The following KCNT2 variants were observed in gnomAD, a reference collection of about 807,000 sequenced individuals.
KCNT2 encodes the protein potassium channel subfamily T member 2.
KCNT2 carries 67 observed loss-of-function variants against 153.8 expected under a neutral mutation model. The ratio of observed to expected loss-of-function variants is 0.44; its 90% CI spans 0.36 to 0.53. The LOEUF (loss-of-function observed/expected upper bound fraction) is 0.53. Among genes scored for constraint, KCNT2 ranks in the 20% least tolerant of loss-of-function variants. KCNT2 has a pLI of 0.00. For missense variants in KCNT2, 975 were observed against 1,354.8 expected, an observed-to-expected ratio of 0.72 and a Z score of 4.40; for synonymous variants, 500 against 458.8, an observed-to-expected ratio of 1.09 and a Z score of -1.15.
At chr1:196,406,087 T>C (rs1671807040) in intron 12 of KCNT2, among the ~76,000 whole-genome samples, 1 of 151,504 alleles carries the variant, frequency 6.6e-6, no homozygotes, top group African/African-American at 2.4e-5. Context: ...CAAAAGCACC[T>C]TGAGGTCAGG....
At chr1:196,512,104 A>T (rs576987225) in intron 1 of KCNT2, among the ~76,000 whole-genome samples, 2 of 152,250 alleles carry the variant, frequency 1.3e-5, no homozygotes, top group East Asian at 3.9e-4. Flanking sequence ...CATCGTACTT[A>T]TTCTATCAGC....
chr1:196,525,124 C>A (rs1345069668), intron 1 of KCNT2, among the ~76,000 whole-genome samples: 3 of 151,934 alleles, frequency 2.0e-5, no homozygotes, highest in African/African-American at 7.3e-5. Context: ...AAAAAAGTAG[C>A]TATTCAGTGG....
intron 5 of KCNT2, among the ~76,000 whole-genome samples, chr1:196,471,111 G>T (rs936366466): frequency 6.6e-6 from 1 of 151,284 alleles, no homozygotes; most frequent in Non-Finnish European, 1.5e-5. Context: ...GTTTCACCGT[G>T]TTAGCCAGGA....
At chr1:196,403,274 C>T (rs1231958502) in intron 12 of KCNT2, among the ~76,000 whole-genome samples, 1 of 151,542 alleles carries the variant, frequency 6.6e-6, no homozygotes, top group Non-Finnish European at 1.5e-5. Context: ...TGCAAAACCT[C>T]AAATGCATAT....
At chr1:196,440,699 C>CT (rs1675147316) in intron 8 of KCNT2, among the ~76,000 whole-genome samples, 1 of 151,698 alleles carries the variant, frequency 6.6e-6, no homozygotes, top group Admixed American at 6.6e-5. Flanking sequence ...CTGTCAGTTC[C>CT]TATTTTTTTT....
intron 26 of KCNT2, among the ~76,000 whole-genome samples, chr1:196,245,185 T>C (rs1248568431): frequency 3.3e-5 from 5 of 151,932 alleles, no homozygotes; most frequent in Admixed American, 6.6e-5. Flanking sequence ...GACCAAAAAC[T>C]TTAAACACAA....
intron 26 of KCNT2, among the ~76,000 whole-genome samples, chr1:196,253,664 C>A (rs1320572566): frequency 6.6e-6 from 1 of 151,492 alleles, no homozygotes; most frequent in East Asian, 1.9e-4. Flanking sequence ...AATATTGTTT[C>A]ACATTTTTTG....
chr1:196,521,271 T>C lies in KCNT2; in HGVS notation c.96-28930A>G, dbSNP rs535488609. ...ACCATCTCACACCAGTAAGAATGGC[T>C]ATTATTTTTAAGAAGTCAAAAAATA... is the stretch of plus-strand genomic sequence containing the variant. On this transcript the variant is annotated intron_variant, in intron 1 of 27. Transcript: ENST00000294725. 2.0e-5 allele frequency among the ~76,000 whole-genome samples: 3 copies of C among 152,116 alleles called. 1 individual carries two copies. Among genetic ancestry groups the C allele is most frequent in the Admixed American group, 2.0e-4 (3 of 15,262 alleles).
chr1:196,251,669 A>G (rs559675115), intron 26 of KCNT2, among the ~76,000 whole-genome samples: 1 of 152,174 alleles, frequency 6.6e-6, no homozygotes, highest in African/African-American at 2.4e-5. Flanking sequence ...TAGATAGAAT[A>G]AGACCTAGTA....
intron 13 of KCNT2, among the ~76,000 whole-genome samples, chr1:196,388,459 C>A (rs1017154882): frequency 2.0e-5 from 3 of 151,250 alleles, no homozygotes; most frequent in Non-Finnish European, 4.4e-5. Flanking sequence ...TCAGTTGAAA[C>A]GTATTGAATC....
chr1:196,226,499 T>C lies in KCNT2; in HGVS notation c.*1725A>G, dbSNP rs1653501630. On this transcript the variant is annotated 3_prime_UTR_variant, in exon 28 of 28. Transcript: ENST00000294725. ...ATTTTAGCTAACCTGTTATAAATTC[T>C]ACTTCTCTGATCAAAGTAGATTAAA... The C allele has an allele frequency of 6.6e-6, 1 of 152,056 alleles. No homozygotes were observed. The highest frequency in any genetic ancestry group is 2.1e-4 in the South Asian group (1 of 4,838). The allele number at this position is 152,056 out of a possible 1,614,324, so 9.4% of individuals were successfully genotyped here. A position where few individuals can be genotyped will look rare whatever the true frequency, so the allele number is the denominator to read the frequency against.
At chr1:196,508,126 G>C (rs1454865291) in intron 1 of KCNT2, among the ~76,000 whole-genome samples, 1 of 131,692 alleles carries the variant, frequency 7.6e-6, no homozygotes, top group Non-Finnish European at 1.6e-5. Flanking sequence ...TGGTATGGCT[G>C]AACAGTAGTA....
intron 16 of KCNT2, among the ~76,000 whole-genome samples, chr1:196,335,322 A>G (rs1664914056): frequency 1.3e-5 from 2 of 152,060 alleles, no homozygotes; most frequent in South Asian, 2.1e-4. Context: ...ACAAACCTAG[A>G]TGAGGTAGCC....
intron 25 of KCNT2, among the ~76,000 whole-genome samples, chr1:196,260,082 C>A (rs546253590): frequency 1.3e-5 from 2 of 151,752 alleles, no homozygotes; most frequent in South Asian, 4.1e-4. Context: ...ATATTTCAGT[C>A]ATATTTAGAG....
chr1:196,442,222 A>T (rs1675295714), intron 8 of KCNT2, among the ~76,000 whole-genome samples: 1 of 151,820 alleles, frequency 6.6e-6, no homozygotes, highest in African/African-American at 2.4e-5. Context: ...AATAAAGGCA[A>T]CCTGGTACTT....
In KCNT2 at chr1:196,543,828, C is replaced by T. The variant is rs138411622; in HGVS notation, c.96-51487G>A. On this transcript the variant is annotated intron_variant, in intron 1 of 27. Transcript: ENST00000294725. ...GGTGGTACAGCCACGCTGGAAAAAA[C>T]AGTTTGTCTGCTTCTTAAATTAAAA... is the stretch of plus-strand genomic sequence containing the variant. Among the ~76,000 whole-genome samples the T allele has an allele frequency of 2.5e-4, 38 of 152,238 alleles. No homozygotes were observed. In the East Asian group the frequency reaches 5.8e-3, roughly 23 times the overall value.
intron 14 of KCNT2, among the ~76,000 whole-genome samples, chr1:196,372,471 T>C (rs1668621047): frequency 1.3e-5 from 2 of 152,022 alleles, no homozygotes; most frequent in East Asian, 3.9e-4. Flanking sequence ...TTTGTCTCTT[T>C]AAATAAGAGC....
At chr1:196,396,583 C>T (rs1009227631) in intron 13 of KCNT2, among the ~76,000 whole-genome samples, 1 of 134,750 alleles carries the variant, frequency 7.4e-6, no homozygotes, top group African/African-American at 2.5e-5. Flanking sequence ...GCACTCCAAA[C>T]TCTTTTTGTG....
intron 1 of KCNT2, among the ~76,000 whole-genome samples, chr1:196,579,039 C>T (rs998129049): frequency 2.6e-5 from 4 of 151,990 alleles, no homozygotes; most frequent in African/African-American, 7.2e-5. Context: ...GTTGTTATGA[C>T]GGATGAGCCT....
Sources: allele counts gnomAD v4.1 joint callset (sites outside exome capture counted in the v4.1 genomes callset), GRCh38; gene constraint gnomAD v4.1.1; transcripts MANE v1.5; gene names NCBI Gene and HGNC (gene_info 2026-07-23, HGNC 2026-07-21).